Variants in HCRTR2 observed in about 807,000 individuals in gnomAD.
HCRTR2 encodes the protein orexin receptor type 2.
In HCRTR2, 22 loss-of-function variants were observed where a neutral mutation model predicts 49.0. The ratio of observed to expected loss-of-function variants is 0.45; its 90% confidence interval spans 0.32 to 0.64. The LOEUF (loss-of-function observed/expected upper bound fraction) is 0.64, where lower values mean the gene tolerates loss of function less well. Ranked by LOEUF, HCRTR2 falls within the 30% of genes least tolerant of loss-of-function variation. The pLI, the probability that HCRTR2 is intolerant of heterozygous loss-of-function variation, is 0.04. For synonymous variants in HCRTR2, 236 were observed against 205.3 expected (o/e 1.15, Z -1.28); for missense variants, 491 against 559.4 (o/e 0.88, Z 1.23).
Position 55,122,142 on chromosome 6 carries a change from C to T in HCRTR2, c.-378+15597C>T, listed in dbSNP as rs1181703059. On this transcript the variant is annotated intron_variant, in intron 1 of 7. Transcript: ENST00000615358. ...ATTAATTATTGCCTCAATTTCAGAGCCTGTTATTGGTCTATTCAGAGATTC... is the reference window on the plus strand; with the variant it reads ...ATTAATTATTGCCTCAATTTCAGAGTCTGTTATTGGTCTATTCAGAGATTC... Among the ~76,000 whole-genome samples the T allele has an allele frequency of 2.0e-5, 3 of 152,210 alleles. No homozygotes were observed. In the East Asian group the frequency reaches 5.8e-4, roughly 29 times the overall value.
At chr6:55,106,750 CAT>C (rs1763980674) in intron 1 of HCRTR2, among the ~76,000 whole-genome samples, 2 of 152,104 alleles carry the variant, frequency 1.3e-5, no homozygotes, top group Non-Finnish European at 2.9e-5. Flanking sequence ...TCTCAGACAT[CAT>C]CATGGTAAAT....
chr6:55,273,784 T>C (rs999709695), intron 4 of HCRTR2, among the ~76,000 whole-genome samples: 2 of 151,986 alleles, frequency 1.3e-5, no homozygotes, highest in Non-Finnish European at 2.9e-5. Flanking sequence ...GCCACTTTGC[T>C]AGGTCTCTTC....
At chr6:55,218,439 T>G (rs759501480) in intron 1 of HCRTR2, among the ~76,000 whole-genome samples, 2 of 152,160 alleles carry the variant, frequency 1.3e-5, no homozygotes, top group Non-Finnish European at 2.9e-5. Flanking sequence ...ATAAATGAAC[T>G]AAACTCAAAC....
chr6:55,281,374 G>A (rs535746852), intron 6 of HCRTR2, among the ~76,000 whole-genome samples: 1 of 152,202 alleles, frequency 6.6e-6, no homozygotes, highest in Non-Finnish European at 1.5e-5. Context: ...TAAAGGCTAT[G>A]AGGAAGTTGT....
At chr6:55,282,916 T>C (rs115426815), downstream of HCRTR2, among the ~76,000 whole-genome samples, 2,235 of 152,218 alleles carry the variant, frequency 0.015, 53 homozygotes, top group African/African-American at 0.05. Context: ...ATCACAAGAC[T>C]GTTGTTATAA....
chr6:55,123,360 C>CT (rs1764228588), intron 1 of HCRTR2, among the ~76,000 whole-genome samples: 1 of 151,896 alleles, frequency 6.6e-6, no homozygotes, highest in Admixed American at 6.6e-5. Flanking sequence ...TGTCAAAAGC[C>CT]TTTTCTGCAT....
At chr6:55,116,096 T>TG (rs1764112282) in intron 1 of HCRTR2, among the ~76,000 whole-genome samples, 1 of 151,618 alleles carries the variant, frequency 6.6e-6, no homozygotes, top group African/African-American at 2.4e-5. Flanking sequence ...TATATTGGCT[T>TG]GTGCTGTGGT....
chr6:55,110,491 A>G (rs894140508), intron 1 of HCRTR2, among the ~76,000 whole-genome samples: 1 of 152,128 alleles, frequency 6.6e-6, no homozygotes, highest in Admixed American at 6.5e-5. Flanking sequence ...CTCACCTAAC[A>G]GATAAGGATT....
chr6:55,173,729 A>C (rs144504897), upstream of HCRTR2, among the ~76,000 whole-genome samples: 282 of 152,314 alleles, frequency 1.9e-3, no homozygotes, highest in Non-Finnish European at 3.1e-3. Flanking sequence ...GTCCTTCAAG[A>C]ATTTGTAGCT....
rs200243380 is a variant in HCRTR2, at chr6:55,255,247, A to T, written c.514A>T (p.Ser172Cys). 3.1e-6 allele frequency: 5 copies of T among 1,614,050 alleles called. No individual in the cohort carries two copies. The highest frequency in any genetic ancestry group is 4.2e-6 in the Non-Finnish European group (5 of 1,179,974). The change falls in exon 3 of 7, where the codon AGC (serine) becomes TGC (cysteine). Residue 172 changes from serine (S) to cysteine (C), a missense_variant. Coordinates refer to ENST00000370862, the MANE Select transcript of HCRTR2 (RefSeq NM_001384272.1). Reference sequence around the variant, plus strand: ...GAGCACAGCAAAGCGGGCCCGTAACAGCATTGTCATCATCTGGATTGTCTC... The same window carrying T: ...GAGCACAGCAAAGCGGGCCCGTAACTGCATTGTCATCATCTGGATTGTCTC... ...FKSTAKRARN[S>C]IVIIWIVSCI...
chr6:55,273,716 C>CTTCGA (rs1767017637), intron 4 of HCRTR2, among the ~76,000 whole-genome samples: 1 of 82,570 alleles, frequency 1.2e-5, no homozygotes, highest in Non-Finnish European at 3.1e-5. Context: ...TTTCTTCCTA[C>CTTCGA]TTTGATTTGA....
intron 1 of HCRTR2, among the ~76,000 whole-genome samples, chr6:55,187,261 A>T (rs1488444971): frequency 1.3e-5 from 2 of 151,732 alleles, no homozygotes; most frequent in Non-Finnish European, 2.9e-5. Context: ...AACAACAAAA[A>T]AATTAGCTGG....
chr6:55,276,534 C>T (rs1037099600), intron 4 of HCRTR2, among the ~76,000 whole-genome samples: 1 of 152,158 alleles, frequency 6.6e-6, no homozygotes, highest in Non-Finnish European at 1.5e-5. Flanking sequence ...ACATTTTCCT[C>T]TTTAAAAAAT....
At chr6:55,206,220 T>C (rs984435104) in intron 1 of HCRTR2, among the ~76,000 whole-genome samples, 2 of 152,090 alleles carry the variant, frequency 1.3e-5, no homozygotes, top group African/African-American at 4.8e-5. Context: ...TTTTAATAAG[T>C]GTGAGTGGAG....
In HCRTR2 at chr6:55,174,776, C is replaced by G. The variant is rs1765008717; in HGVS notation, c.189C>G (p.Ile63Met). 1 of 1,613,914 alleles carries G rather than the reference C, an allele frequency of 6.2e-7. No individual in the cohort carries two copies. Among genetic ancestry groups the G allele is most frequent in the African/African-American group, 1.3e-5 (1 of 74,880 alleles). ...YEWVLIAGYIIVFVVALIGNV... is the reference protein window; with the variant it reads ...YEWVLIAGYIMVFVVALIGNV... ...GGGTCCTGATCGCCGGGTACATCAT[C>G]GTGTTCGTCGTGGCTCTCATTGGGA... The change falls in exon 1 of 7, where the codon ATC becomes ATG. Residue 63 changes from isoleucine to methionine, a missense_variant. Coordinates refer to ENST00000370862, the MANE Select transcript of HCRTR2 (RefSeq NM_001384272.1).
At chr6:55,163,598 T>A (rs1376795060) in intron 1 of HCRTR2, among the ~76,000 whole-genome samples, 2 of 152,150 alleles carry the variant, frequency 1.3e-5, no homozygotes, top group Non-Finnish European at 2.9e-5. Context: ...ACGGGACTCC[T>A]CCCTTACACC....
At chr6:55,169,734 AG>A (rs1050975898), upstream of HCRTR2, among the ~76,000 whole-genome samples, 6 of 152,244 alleles carry the variant, frequency 3.9e-5, no homozygotes, top group Admixed American at 3.9e-4. Context: ...CCAACAGCAA[AG>A]GAAAGAAAGC....
intron 1 of HCRTR2, among the ~76,000 whole-genome samples, chr6:55,110,801 A>C (rs1222790488): frequency 6.6e-6 from 1 of 152,018 alleles, no homozygotes; most frequent in East Asian, 1.9e-4. Flanking sequence ...CTCAACTGAA[A>C]GAACTAGACA....
At chr6:55,128,679 A>G (rs1010085544) in intron 1 of HCRTR2, among the ~76,000 whole-genome samples, 1 of 152,088 alleles carries the variant, frequency 6.6e-6, no homozygotes, top group African/African-American at 2.4e-5. Flanking sequence ...TTTTGTGTGA[A>G]TCTGCCTGTT....
Sources: gnomAD v4.1 joint callset for allele counts (sites outside exome capture counted in the v4.1 genomes callset) on GRCh38, gnomAD v4.1.1 for gene constraint, MANE v1.5 for transcripts, NCBI Gene and HGNC (gene_info 2026-07-23, HGNC 2026-07-21) for gene names.